PRMT9: variants seen among roughly 807,000 people sequenced by gnomAD.
PRMT9 encodes the protein protein arginine N-methyltransferase 9.
A neutral mutation model predicts 83.2 loss-of-function variants in PRMT9; 59 were observed. The ratio of observed to expected loss-of-function variants is 0.71; its 90% CI spans 0.57 to 0.88. PRMT9 has a LOEUF of 0.88. PRMT9 is among the 40% of genes least tolerant of loss of function. The pLI is 0.00. For synonymous variants in PRMT9, 333 were observed against 353.2 expected (o/e 0.94, Z 0.64); for missense variants, 947 against 1,021.9 (o/e 0.93, Z 1.00).
At chr4:147,652,756 A>C (rs1406015132) in intron 9 of PRMT9, among the ~76,000 whole-genome samples, 1 of 151,168 alleles carries the variant, frequency 6.6e-6, no homozygotes, top group Non-Finnish European at 1.5e-5. Flanking sequence ...CTATAAACTA[A>C]TACTGAACTC....
At chr4:147,658,577 G>T (rs1435829251) in intron 7 of PRMT9, among the ~76,000 whole-genome samples, 3 of 152,130 alleles carry the variant, frequency 2.0e-5, no homozygotes, top group Non-Finnish European at 4.4e-5. Context: ...GTGTGGCTAA[G>T]AAAAATTAAA....
intron 3 of PRMT9, 59 bp downstream of exon 3, chr4:147,673,579 A>C (rs1735870373): frequency 2.7e-6 from 3 of 1,111,314 alleles, no homozygotes. Context: ...ATATCTGGCA[A>C]AATCTTTAAT....
chr4:147,653,089 C>A (rs1266211674), intron 9 of PRMT9, among the ~76,000 whole-genome samples: 1 of 152,122 alleles, frequency 6.6e-6, no homozygotes, highest in Non-Finnish European at 1.5e-5. Flanking sequence ...CTCTTCCTAG[C>A]CTTTTCAACT....
In PRMT9 at chr4:147,654,266, A is replaced by G. The variant is rs199827425; in HGVS notation, c.1631T>C (p.Val544Ala). The G allele has an allele frequency of 8.9e-5, 144 of 1,614,190 alleles. 1 individual carries two copies. In the Middle Eastern group the frequency reaches 2.3e-3, roughly 26 times the overall value. The change falls in exon 9 of 12, where the codon GTT (valine) becomes GCT (alanine). Residue 544 changes from valine (V) to alanine (A), a missense_variant. Physicochemically the swap from Val to Ala is moderately conservative, Grantham distance 64 (BLOSUM62 0). Transcript: ENST00000322396. ...TTTCTCTGGAGTCAGTGAAGACAAA[A>G]CTTTGCTCATTGCCATTTTAAAGCC... ...HEGFKMAMSKVLSSLTPEKLY... is the reference protein window; with the variant it reads ...HEGFKMAMSKALSSLTPEKLY...
chr4:147,649,972 TCA>T (rs1189153591), intron 9 of PRMT9, among the ~76,000 whole-genome samples: 2 of 152,126 alleles, frequency 1.3e-5, no homozygotes, highest in Admixed American at 1.3e-4. Context: ...TTGACAAAAA[TCA>T]CACTTTCATT....
intron 9 of PRMT9, among the ~76,000 whole-genome samples, chr4:147,648,141 T>C (rs1409392938): frequency 5.3e-5 from 8 of 152,124 alleles, no homozygotes; most frequent in African/African-American, 1.7e-4. Context: ...ACCTACAGAA[T>C]GGTAAGAGTA....
At chr4:147,680,699 TC>T (rs1324494109) in intron 1 of PRMT9, among the ~76,000 whole-genome samples, 1 of 152,052 alleles carries the variant, frequency 6.6e-6, no homozygotes, top group Admixed American at 6.6e-5. Context: ...CTCTCTAAAC[TC>T]CCCCCACTCT....
At chr4:147,640,090 TAA>T (rs148927244) in intron 10 of PRMT9, among the ~76,000 whole-genome samples, 38,246 of 57,530 alleles carry the variant, frequency 0.66, 16,146 homozygotes, top group Non-Finnish European at 0.85. Context: ...TTTTTTTTTT[TAA>T]TATAGGGTCT....
Position 147,642,734 on chromosome 4 carries a change from G to A in PRMT9, c.2199+53C>T, listed in dbSNP as rs1230962773. On this transcript the variant is annotated intron_variant, in intron 10 of 11. Coordinates refer to ENST00000322396, the MANE Select transcript of PRMT9 (RefSeq NM_138364.4). ...ATTAAACAGTGACTAAAGAGAGAGC[G>A]ATGGTAGACTGTTCAACAGCATCCT... The A allele has an allele frequency of 1.2e-5, 17 of 1,456,010 alleles. No individual in the cohort carries two copies. In the Middle Eastern group the frequency reaches 5.6e-4, roughly 48 times the overall value. The allele number at this position is 1,456,010 out of a possible 1,614,324, so 90.2% of individuals were successfully genotyped here. A position where few individuals can be genotyped will look rare whatever the true frequency, so the allele number is the denominator to read the frequency against.
intron 5 of PRMT9, among the ~76,000 whole-genome samples, chr4:147,668,886 A>G (rs1578923495): frequency 6.6e-6 from 1 of 152,104 alleles, no homozygotes; most frequent in South Asian, 2.1e-4. Flanking sequence ...GGAGATCAAG[A>G]CCATCCTGGC....
At chr4:147,656,989 C>A (rs1279805598) in intron 8 of PRMT9, among the ~76,000 whole-genome samples, 1 of 151,134 alleles carries the variant, frequency 6.6e-6, no homozygotes. Flanking sequence ...CATCGAATCA[C>A]TGTAAAAAAA....
Position 147,667,538 on chromosome 4 carries a change from T to C in PRMT9, c.953+1001A>G, listed in dbSNP as rs1477305341. ...ACTGTCTGGTTAGTGCCCTGTGTCC[T>C]ACCAATCTCTAAACATTTTTACTAT... On this transcript the variant is annotated intron_variant, in intron 6 of 11. Coordinates refer to ENST00000322396, the MANE Select transcript of PRMT9 (RefSeq NM_138364.4). Among the ~76,000 whole-genome samples, 6 of 152,362 alleles carry C rather than the reference T, an allele frequency of 3.9e-5. No homozygotes were observed. In the East Asian group the frequency reaches 1.2e-3, roughly 29 times the overall value.
chr4:147,650,800 G>C (rs1450118769), intron 9 of PRMT9, among the ~76,000 whole-genome samples: 1 of 152,160 alleles, frequency 6.6e-6, no homozygotes, highest in Non-Finnish European at 1.5e-5. Context: ...ACAGACCAAC[G>C]GAACTAGAAA....
At chr4:147,653,090 C>T (rs896271235) in intron 9 of PRMT9, among the ~76,000 whole-genome samples, 4 of 152,144 alleles carry the variant, frequency 2.6e-5, no homozygotes, top group African/African-American at 4.8e-5. Flanking sequence ...TCTTCCTAGC[C>T]TTTTCAACTC....
At chr4:147,666,455 GA>G (rs1209891254) in intron 6 of PRMT9, among the ~76,000 whole-genome samples, 6 of 151,898 alleles carry the variant, frequency 4.0e-5, no homozygotes, top group Admixed American at 2.0e-4. Flanking sequence ...TCCATTTCCT[GA>G]ATAGTTTATC....
chr4:147,639,139 G>GT, intron 10 of PRMT9, 57 bp from the exon 11 acceptor site: 2 of 1,583,012 alleles, frequency 1.3e-6, no homozygotes, highest in Non-Finnish European at 1.7e-6. Context: ...CAGGGCTCAA[G>GT]TTTTTCACTT....
At chr4:147,642,963 TA>T in intron 9 of PRMT9, 23 bp from the exon 10 acceptor site, 1 of 1,611,644 alleles carries the variant, frequency 6.2e-7, no homozygotes, top group Non-Finnish European at 8.5e-7. Context: ...GTACATATTT[TA>T]AAAAGCTCTT....
At chr4:147,676,421 C>A (rs116745111) in intron 2 of PRMT9, among the ~76,000 whole-genome samples, 1,643 of 152,054 alleles carry the variant, frequency 0.011, 35 homozygotes, top group African/African-American at 0.034. Flanking sequence ...GGAGATTATT[C>A]ATAAAAAAAG....
chr4:147,642,293 C>T (rs149961577), intron 10 of PRMT9, among the ~76,000 whole-genome samples: 1 of 151,918 alleles, frequency 6.6e-6, no homozygotes, highest in East Asian at 1.9e-4. Flanking sequence ...GACTGGAGTG[C>T]AGTGGCACGA....
Sources: allele counts gnomAD v4.1 joint callset (sites outside exome capture counted in the v4.1 genomes callset), GRCh38; gene constraint gnomAD v4.1.1; transcripts MANE v1.5; gene names NCBI Gene and HGNC (gene_info 2026-07-23, HGNC 2026-07-21).